Variants in MTHFD1L observed in about 807,000 individuals in gnomAD.
MTHFD1L encodes monofunctional C1-tetrahydrofolate synthase, mitochondrial.
MTHFD1L carries 81 observed loss-of-function variants against 119.5 expected under a neutral mutation model. The ratio of observed to expected loss-of-function variants is 0.68; its 90% CI spans 0.57 to 0.82. The LOEUF (loss-of-function observed/expected upper bound fraction) is 0.82. Ranked by LOEUF, MTHFD1L falls within the 40% of genes least tolerant of loss-of-function variation. MTHFD1L has a pLI of 0.00. For synonymous variants in MTHFD1L, 430 were observed against 475.2 expected, an observed-to-expected ratio of 0.90 and a Z score of 1.24; for missense variants, 1,125 against 1,253.4, an observed-to-expected ratio of 0.90 and a Z score of 1.55.
chr6:150,967,202 G>A (rs577828713), intron 19 of MTHFD1L, among the ~76,000 whole-genome samples: 3 of 152,182 alleles, frequency 2.0e-5, no homozygotes, highest in African/African-American at 7.2e-5. Context: ...CACCTCTCCT[G>A]ACTGCCCTTG....
chr6:150,939,948 G>C (rs1052570363), intron 13 of MTHFD1L, among the ~76,000 whole-genome samples: 2 of 152,036 alleles, frequency 1.3e-5, no homozygotes, highest in Non-Finnish European at 2.9e-5. Flanking sequence ...GCCTCCCAAA[G>C]TGTTAGGATT....
intron 19 of MTHFD1L, among the ~76,000 whole-genome samples, chr6:150,970,889 C>A (rs1450187667): frequency 6.6e-6 from 1 of 152,160 alleles, no homozygotes. Flanking sequence ...AAAACCAGAG[C>A]CCTAATCTTG....
chr6:151,092,581 G>A lies in MTHFD1L; in HGVS notation c.*25G>A, dbSNP rs11558820. 48 of 1,584,142 alleles carry A rather than the reference G, an allele frequency of 3.0e-5. No individual in the cohort carries two copies. Among genetic ancestry groups the A allele is most frequent in the Middle Eastern group, 3.3e-4 (2 of 6,018 alleles). ...AGTGGACAAGGCTCTCACAGGACCCGATGCAGGTAGGCTGATGTGCTTCAA... is the reference window on the plus strand; with the variant it reads ...AGTGGACAAGGCTCTCACAGGACCCAATGCAGGTAGGCTGATGTGCTTCAA... On this transcript the variant is annotated 3_prime_UTR_variant, in exon 27 of 28. Coordinates refer to ENST00000367321, the MANE Select transcript of MTHFD1L (RefSeq NM_015440.5).
At chr6:150,905,451 T>C (rs757910901) in intron 7 of MTHFD1L, among the ~76,000 whole-genome samples, 199 bp from the exon 8 acceptor site, 13 of 152,194 alleles carry the variant, frequency 8.5e-5, no homozygotes, top group Non-Finnish European at 1.9e-4. Context: ...TATTTTCTTT[T>C]CTTTCTAGGA....
intron 11 of MTHFD1L, among the ~76,000 whole-genome samples, chr6:150,933,198 G>A (rs778533148): frequency 3.9e-5 from 6 of 152,082 alleles, no homozygotes; most frequent in Non-Finnish European, 7.4e-5. Flanking sequence ...ATCTCTGGGC[G>A]TGTCTGCTTT....
chr6:151,034,617 T>C lies in MTHFD1L; in HGVS notation c.2694+17T>C, dbSNP rs374038347. On this transcript the variant is annotated intron_variant, in intron 25 of 27. Transcript: ENST00000367321. ...ACTCAACAGGTAAAAGTTCTACTTT[T>C]AGGGGAAAAGAAAAAATTCACCTTA... 115 of 1,550,852 alleles carry C rather than the reference T, an allele frequency of 7.4e-5. No homozygotes were observed. The highest frequency in any genetic ancestry group is 9.4e-5 in the Non-Finnish European group (106 of 1,124,974).
intron 18 of MTHFD1L, among the ~76,000 whole-genome samples, chr6:150,962,960 G>GGCT (rs1164078754): frequency 7.2e-6 from 1 of 138,098 alleles, no homozygotes; most frequent in East Asian, 2.0e-4. Context: ...CTATTGCCCA[G>GGCT]GCTGGAATGC....
intron 19 of MTHFD1L, among the ~76,000 whole-genome samples, chr6:150,966,328 G>A (rs1046891669): frequency 6.6e-6 from 1 of 152,110 alleles, no homozygotes; most frequent in Non-Finnish European, 1.5e-5. Flanking sequence ...GAGAGAGGGC[G>A]AAGGAGGAAG....
intron 5 of MTHFD1L, among the ~76,000 whole-genome samples, chr6:150,884,719 G>A (rs934487206): frequency 6.6e-6 from 1 of 152,182 alleles, no homozygotes; most frequent in African/African-American, 2.4e-5. Flanking sequence ...TGAGATTGAC[G>A]TGCTCAGTTT....
At chr6:150,893,824 A>G (rs145797205) in intron 7 of MTHFD1L, among the ~76,000 whole-genome samples, 3,090 of 152,340 alleles carry the variant, frequency 0.02, 48 homozygotes, top group Middle Eastern at 0.038. Context: ...ACAGTAGAGC[A>G]TAGGCTTTGG....
At chr6:151,091,327 A>G (rs981361864) in intron 26 of MTHFD1L, among the ~76,000 whole-genome samples, 4 of 139,000 alleles carry the variant, frequency 2.9e-5, no homozygotes, top group South Asian at 2.3e-4. Context: ...AACACTCACT[A>G]TTAAAGCACA....
At chr6:150,961,908 A>G (rs547812768) in intron 18 of MTHFD1L, among the ~76,000 whole-genome samples, 3 of 152,330 alleles carry the variant, frequency 2.0e-5, no homozygotes, top group East Asian at 1.9e-4. Flanking sequence ...ATTAATTTGT[A>G]TGGCAATAAA....
chr6:150,882,665 T>C, intron 4 of MTHFD1L, 97 bp from the exon 5 acceptor site: 1 of 856,258 alleles, frequency 1.2e-6, no homozygotes, highest in Non-Finnish European at 1.7e-6. Context: ...CTATAACAGA[T>C]GCATTTTCAT....
intron 20 of MTHFD1L, among the ~76,000 whole-genome samples, chr6:150,980,113 GT>G (rs1290810450): frequency 1.4e-4 from 21 of 152,014 alleles, no homozygotes; most frequent in Non-Finnish European, 3.1e-4. Flanking sequence ...ATGCTTCCAG[GT>G]TTTTTGTCTT....
At chr6:150,909,417 G>A (rs887168189) in intron 8 of MTHFD1L, among the ~76,000 whole-genome samples, 1 of 151,724 alleles carries the variant, frequency 6.6e-6, no homozygotes, top group African/African-American at 2.4e-5. Context: ...AATTTTTTTT[G>A]TTGTTGTTGA....
intron 1 of MTHFD1L, among the ~76,000 whole-genome samples, chr6:150,874,455 TGGG>T (rs1310911631): frequency 6.6e-6 from 1 of 152,208 alleles, no homozygotes; most frequent in African/African-American, 2.4e-5. Flanking sequence ...CTCTGAAAAC[TGGG>T]GAAAGCTTCC....
chr6:151,042,096 C>T, intron 26 of MTHFD1L: 1 of 281,242 alleles, frequency 3.6e-6, no homozygotes. Flanking sequence ...ATTTCACTGC[C>T]CCATGCTGTT....
At chr6:151,072,150 C>T (rs991041592) in intron 26 of MTHFD1L, among the ~76,000 whole-genome samples, 1 of 149,324 alleles carries the variant, frequency 6.7e-6, no homozygotes, top group Non-Finnish European at 1.5e-5. Flanking sequence ...TTTTATGGCC[C>T]CTTTTAAAGA....
intron 13 of MTHFD1L, among the ~76,000 whole-genome samples, chr6:150,942,634 TG>T (rs1793314773): frequency 6.6e-6 from 1 of 152,132 alleles, no homozygotes; most frequent in Non-Finnish European, 1.5e-5. Flanking sequence ...GAATCTTTAA[TG>T]ATGTAAAAAT....
Sources: gnomAD v4.1 joint callset for allele counts (sites outside exome capture counted in the v4.1 genomes callset) on GRCh38, gnomAD v4.1.1 for gene constraint, MANE v1.5 for transcripts, NCBI Gene and HGNC (gene_info 2026-07-23, HGNC 2026-07-21) for gene names.